The following TMCO5A variants were observed in gnomAD, a reference collection of about 807,000 sequenced individuals.
TMCO5A encodes the protein transmembrane and coiled-coil domains 5A, also known as transmembrane and coiled-coil domain-containing protein 5A.
A neutral mutation model predicts 42.3 loss-of-function variants in TMCO5A; 34 were observed. That is an observed-to-expected ratio of 0.80 (90% CI 0.61 to 1.07). The LOEUF is 1.07. Ranked by LOEUF, TMCO5A falls within the 50% of genes least tolerant of loss-of-function variation. The pLI, the probability that TMCO5A is intolerant of heterozygous loss-of-function variation, is 0.00. For missense variants in TMCO5A, 357 were observed against 327.9 expected (o/e 1.09, Z -0.69); for synonymous variants, 131 against 115.6 (o/e 1.13, Z -0.86).
the TMCO5A span, among the ~76,000 whole-genome samples, chr15:38,032,670 GAGAC>G: frequency 1.3e-5 from 2 of 152,188 alleles, no homozygotes; most frequent in Non-Finnish European, 2.9e-5. Flanking sequence ...AATTCATTCA[GAGAC>G]AGGCTACAGC....
chr15:38,008,571 C>T, the TMCO5A span, among the ~76,000 whole-genome samples: 5 of 152,124 alleles, frequency 3.3e-5, no homozygotes, highest in Admixed American at 3.3e-4. Context: ...TCTTCAGGGT[C>T]TATTTTCTAG....
chr15:37,996,226 G>C, the TMCO5A span, among the ~76,000 whole-genome samples: 1 of 152,218 alleles, frequency 6.6e-6, no homozygotes, highest in Admixed American at 6.5e-5. Context: ...CTACGCCTTA[G>C]AGGGAGCTGA....
At chr15:37,960,402 A>T (rs1358626596) in intron 11 of TMCO5A, among the ~76,000 whole-genome samples, 1 of 152,102 alleles carries the variant, frequency 6.6e-6, no homozygotes, top group Non-Finnish European at 1.5e-5. Context: ...CATCATATAA[A>T]TATACCACAA....
chr15:38,038,643 T>A, the TMCO5A span, among the ~76,000 whole-genome samples: 1 of 152,126 alleles, frequency 6.6e-6, no homozygotes, highest in African/African-American at 2.4e-5. Context: ...CCTGACCTCA[T>A]GATCTGCCCA....
chr15:37,997,609 T>G, the TMCO5A span, among the ~76,000 whole-genome samples: 1 of 152,212 alleles, frequency 6.6e-6, no homozygotes, highest in Non-Finnish European at 1.5e-5. Flanking sequence ...TCAGTTTGTC[T>G]GTGGATGGAC....
At chr15:38,037,226 A>G in the TMCO5A span, among the ~76,000 whole-genome samples, 1 of 152,234 alleles carries the variant, frequency 6.6e-6, no homozygotes, top group East Asian at 1.9e-4. Context: ...AGTGCAGCCT[A>G]TATTTAAGAG....
chr15:37,994,265 G>A, the TMCO5A span, among the ~76,000 whole-genome samples: 2 of 152,124 alleles, frequency 1.3e-5, no homozygotes, highest in African/African-American at 4.8e-5. Flanking sequence ...CCATTAGCAG[G>A]CTTCCAGATT....
chr15:37,973,674 T>C, the TMCO5A span, among the ~76,000 whole-genome samples: 1 of 152,170 alleles, frequency 6.6e-6, no homozygotes, highest in Non-Finnish European at 1.5e-5. Flanking sequence ...GGGCTGAGAC[T>C]ATGGGGTTTT....
At chr15:37,975,950 A>G in the TMCO5A span, among the ~76,000 whole-genome samples, 1 of 146,432 alleles carries the variant, frequency 6.8e-6, no homozygotes. Context: ...TGCTTGTCTG[A>G]AAAAGATCTT....
chr15:38,003,601 C>G, the TMCO5A span, among the ~76,000 whole-genome samples: 1 of 151,944 alleles, frequency 6.6e-6, no homozygotes, highest in South Asian at 2.1e-4. Flanking sequence ...GGGCTGGCAC[C>G]CAAGCTTTAA....
chr15:38,000,849 A>C, the TMCO5A span, among the ~76,000 whole-genome samples: 1 of 152,166 alleles, frequency 6.6e-6, no homozygotes, highest in Non-Finnish European at 1.5e-5. Flanking sequence ...GTTTTATTCC[A>C]TGTGGTCAGA....
the TMCO5A span, among the ~76,000 whole-genome samples, chr15:37,982,555 T>C: frequency 7.1e-6 from 1 of 140,930 alleles, no homozygotes; most frequent in Admixed American, 7.2e-5. Context: ...TATTATGATA[T>C]ATAATTGTTT....
intron 4 of TMCO5A, 120 bp downstream of exon 4, chr15:37,937,090 A>T: frequency 6.9e-7 from 1 of 1,459,330 alleles, no homozygotes; most frequent in Admixed American, 2.2e-5. Context: ...CTCAAAAGTC[A>T]TGATAAAATT....
the TMCO5A span, among the ~76,000 whole-genome samples, chr15:38,008,053 G>A: frequency 0.023 from 3,434 of 151,674 alleles, 118 homozygotes; most frequent in African/African-American, 0.078. Flanking sequence ...CTGCCACCAC[G>A]CCTGGCTAAT....
chr15:38,012,174 G>T, the TMCO5A span, among the ~76,000 whole-genome samples: 2 of 152,004 alleles, frequency 1.3e-5, no homozygotes, highest in African/African-American at 4.8e-5. Flanking sequence ...TGGTGAGAGG[G>T]TTTTCATAGA....
chr15:38,008,196 A>C, the TMCO5A span, among the ~76,000 whole-genome samples: 1 of 151,982 alleles, frequency 6.6e-6, no homozygotes, highest in Non-Finnish European at 1.5e-5. Context: ...TGCCCAGCCA[A>C]ACTCACCCAC....
chr15:37,959,621 T>G (rs1254780650), intron 11 of TMCO5A, among the ~76,000 whole-genome samples: 3 of 152,056 alleles, frequency 2.0e-5, no homozygotes, highest in African/African-American at 7.2e-5. Flanking sequence ...AAAAAGCAAT[T>G]GATATAATTC....
the TMCO5A span, among the ~76,000 whole-genome samples, chr15:37,973,591 C>T: frequency 4.6e-5 from 7 of 151,620 alleles, no homozygotes; most frequent in Admixed American, 6.6e-5. Flanking sequence ...TTGTGCATTG[C>T]CCAGTGATTT....
the TMCO5A span, among the ~76,000 whole-genome samples, chr15:37,980,147 G>T: frequency 4.6e-5 from 7 of 152,162 alleles, no homozygotes; most frequent in African/African-American, 1.7e-4. Context: ...AGGCGGTACC[G>T]GCGGCTGCAC....
Sources: gnomAD v4.1 joint callset for allele counts (sites outside exome capture counted in the v4.1 genomes callset) on GRCh38, gnomAD v4.1.1 for gene constraint, MANE v1.5 for transcripts, NCBI Gene and HGNC (gene_info 2026-07-23, HGNC 2026-07-21) for gene names.